KNG1: variants seen among roughly 807,000 people sequenced by gnomAD.
The protein encoded by KNG1 is kininogen 1, also known as kininogen-1.
Under a neutral mutation model 47.8 loss-of-function variants are expected in KNG1, and 23 were observed. The ratio of observed to expected loss-of-function variants is 0.48; its 90% CI spans 0.35 to 0.68. The LOEUF is 0.68. KNG1 is among the 30% of genes least tolerant of loss of function. KNG1 has a pLI of 0.01. For synonymous variants in KNG1, 277 were observed against 277.0 expected (o/e 1.00, Z 0.00); for missense variants, 762 against 790.2 (o/e 0.96, Z 0.43).
At chr3:186,740,082 C>T (rs979461213) in intron 9 of KNG1, among the ~76,000 whole-genome samples, 1 of 151,876 alleles carries the variant, frequency 6.6e-6, no homozygotes, top group Non-Finnish European at 1.5e-5. Context: ...AATTCAGACT[C>T]GCAAACCCCA....
Position 186,727,325 on chromosome 3 carries a change from G to T in KNG1, c.653G>T (p.Cys218Phe). 1 of 1,611,218 alleles carries T rather than the reference G, an allele frequency of 6.2e-7. No homozygotes were observed. Among genetic ancestry groups the T allele is most frequent in the Non-Finnish European group, 8.5e-7 (1 of 1,177,398 alleles). Residue 218 changes from cysteine to phenylalanine, a missense_variant, in exon 5 of 10, where the codon TGC (cysteine) becomes TTC (phenylalanine). Cys to Phe is a radical substitution (Grantham distance 205). Transcript: ENST00000644859. ...AATTTTCTGTTCTTAACTCCAGACTGCAAGTCCCTTTGGAATGGTGTAAGT... is the reference window on the plus strand; with the variant it reads ...AATTTTCTGTTCTTAACTCCAGACTTCAAGTCCCTTTGGAATGGTGTAAGT... Reference protein sequence around the residue: ...KENFLFLTPDCKSLWNGDTGE... With the variant: ...KENFLFLTPDFKSLWNGDTGE...
chr3:186,725,160 A>G lies in KNG1; in HGVS notation c.464A>G (p.Asp155Gly), dbSNP rs1339079602. ...CVHPISTQSP[D>G]LEPILRHGIQ... ...CATCCTATATCAACGCAGAGCCCAGACCTGGAGCCCATTCTGAGACACGGC... is the reference window on the plus strand; with the variant it reads ...CATCCTATATCAACGCAGAGCCCAGGCCTGGAGCCCATTCTGAGACACGGC... Residue 155 changes from aspartate to glycine, a missense_variant, in exon 4 of 10, where the codon GAC becomes GGC. Physicochemically the swap from Asp to Gly is moderately conservative, Grantham distance 94 (BLOSUM62 -1). Coordinates refer to ENST00000644859, the MANE Select transcript of KNG1 (RefSeq NM_001102416.3). 6.2e-7 allele frequency: 1 copy of G among 1,614,138 alleles called. No homozygotes were observed. The highest frequency in any genetic ancestry group is 1.7e-5 in the Admixed American group (1 of 60,010).
At chr3:186,720,558 G>A (rs1307262552) in intron 2 of KNG1, 1 of 340,972 alleles carries the variant, frequency 2.9e-6, no homozygotes, top group Non-Finnish European at 5.6e-6. Flanking sequence ...ATTGCACAAC[G>A]TTAAGTGCAA....
chr3:186,739,578 A>G lies in KNG1; in HGVS notation c.1125+164A>G, dbSNP rs1317679976. On this transcript the variant is annotated intron_variant, in intron 9 of 9. Transcript: ENST00000644859. ...TGCTGATCTCTGTTTAATGGCTAGA[A>G]AGAAGAGTAACAATCCTCCTGATCA... Among the ~76,000 whole-genome samples, 4 of 152,216 alleles carry G rather than the reference A, an allele frequency of 2.6e-5. No individual in the cohort carries two copies. In the East Asian group the frequency reaches 7.7e-4, roughly 29 times the overall value.
At chr3:186,720,321 A>G in intron 2 of KNG1, 106 bp downstream of exon 2, 3 of 750,406 alleles carry the variant, frequency 4.0e-6, no homozygotes. Flanking sequence ...TTTATGAGAA[A>G]TGCAAATAAA....
At chr3:186,726,288 T>TG (rs1483932586) in intron 4 of KNG1, among the ~76,000 whole-genome samples, 2 of 97,964 alleles carry the variant, frequency 2.0e-5, no homozygotes, top group African/African-American at 6.9e-5. Flanking sequence ...TTTTTTTTTT[T>TG]TTTTTTGTTT....
chr3:186,720,991 G>A (rs990590772), intron 2 of KNG1, among the ~76,000 whole-genome samples: 3 of 151,806 alleles, frequency 2.0e-5, no homozygotes, highest in Admixed American at 1.3e-4. Context: ...GGGTTTCACC[G>A]TGTTAGCCAG....
chr3:186,736,259 G>A (rs1720667853), intron 7 of KNG1: 1 of 152,122 alleles, frequency 6.6e-6, no homozygotes, highest in Non-Finnish European at 1.5e-5. Context: ...TTGGTTGCTT[G>A]GACATAGTCA....
Position 186,722,541 on chromosome 3 carries a change from GCAC to G in KNG1, c.391+21_391+23del. 1 of 1,572,788 alleles carries G rather than the reference GCAC, an allele frequency of 6.4e-7. No homozygotes were observed. The highest frequency in any genetic ancestry group is 8.7e-7 in the Non-Finnish European group (1 of 1,144,110). On this transcript the variant is annotated intron_variant, in intron 3 of 9. Transcript: ENST00000644859. ...CTCCAGGTGGCTGGTTTATCCTCTG[GCAC>G]TGCCCTGGTGGGAAATTAACCATTT...
At position 186,726,186 on chromosome 3, in the gene KNG1, G is replaced by A. The variant is rs562440210; in HGVS notation, c.564+926G>A. 7.9e-5 allele frequency among the ~76,000 whole-genome samples: 12 copies of A among 151,750 alleles called. No individual in the cohort carries two copies. The East Asian group carries it at 1.2e-3, about 15-fold the overall frequency. ...CAACCTCAAGTCATCCTCCCACCTC[G>A]GCCTCGCAAAGTGCTGGGATTACAG... On this transcript the variant is annotated intron_variant, in intron 4 of 9. Coordinates refer to ENST00000644859, the MANE Select transcript of KNG1 (RefSeq NM_001102416.3).
chr3:186,736,661 C>G (rs1720676564), intron 7 of KNG1: 2 of 152,166 alleles, frequency 1.3e-5, no homozygotes, highest in African/African-American at 2.4e-5. Flanking sequence ...CTAGGAATGT[C>G]AAATAATATG....
rs1465816904 is a variant in KNG1, at chr3:186,742,724, A to T, written c.*393A>T. On this transcript the variant is annotated 3_prime_UTR_variant, in exon 10 of 10. Transcript: ENST00000644859. The stretch of plus-strand genomic sequence containing the variant: ...CACTTGGTATTTGAATGTGTGTGAA[A>T]ATAAGGGAAGTCAAGAGATTAAATG... The T allele has an allele frequency of 9.6e-7, 1 of 1,036,484 alleles. No individual in the cohort carries two copies. The highest frequency in any genetic ancestry group is 1.2e-6 in the Non-Finnish European group (1 of 861,978). The allele number at this position is 1,036,484 out of a possible 1,614,324, so 64.2% of individuals were successfully genotyped here.
In KNG1 at chr3:186,725,280, A is replaced by G. The variant is rs757916830; in HGVS notation, c.564+20A>G. ...AGACAGGTTTGTTCTTTAATTCTCT[A>G]AGTAGCACAGTATTACTAAAATTTG... is the stretch of plus-strand genomic sequence containing the variant. On this transcript the variant is annotated intron_variant, in intron 4 of 9. Transcript: ENST00000644859. The G allele has an allele frequency of 1.1e-5, 18 of 1,607,430 alleles. No individual in the cohort carries two copies. Among genetic ancestry groups the G allele is most frequent in the Admixed American group, 3.3e-5 (2 of 59,968 alleles).
rs2108623101 is a variant in KNG1 at position 186,725,168 on chromosome 3, C to A, written c.472C>A (p.Pro158Thr). The change falls in exon 4 of 10, where the codon CCC (proline) becomes ACC (threonine). Residue 158 changes from proline to threonine, a missense_variant. By Grantham distance (38) the Pro-to-Thr change is conservative. Coordinates refer to ENST00000644859, the MANE Select transcript of KNG1 (RefSeq NM_001102416.3). ...ATCAACGCAGAGCCCAGACCTGGAG[C>A]CCATTCTGAGACACGGCATTCAGTA... ...PISTQSPDLE[P>T]ILRHGIQYFN... is the part of the protein sequence containing the mutation. 1 of 1,614,180 alleles carries A rather than the reference C, an allele frequency of 6.2e-7. No homozygotes were observed. Among genetic ancestry groups the A allele is most frequent in the Non-Finnish European group, 8.5e-7 (1 of 1,180,022 alleles).
rs1720142696 is a variant in KNG1 at position 186,720,099 on chromosome 3, T to C, written c.196-6T>C. On this transcript the variant is annotated splice_polypyrimidine_tract_variant and splice_region_variant and intron_variant, in intron 1 of 9. Transcript: ENST00000644859. The stretch of plus-strand genomic sequence containing the variant: ...TGAACCCTAAGTATCTTTGGCTGCT[T>C]TTCAGGTTGGCTCTGACACGTTTTA... 1.9e-6 allele frequency: 3 copies of C among 1,602,082 alleles called. No homozygotes were observed. Among genetic ancestry groups the C allele is most frequent in the East Asian group, 4.5e-5 (2 of 44,840 alleles).
chr3:186,720,789 T>TTTTTTC (rs1720171773), intron 2 of KNG1, among the ~76,000 whole-genome samples: 1 of 129,056 alleles, frequency 7.7e-6, no homozygotes, highest in Non-Finnish European at 1.6e-5. Context: ...TTTTGCTTTT[T>TTTTTTC]TTTTTTTTTT....
In KNG1 at chr3:186,742,301, T is replaced by C. The variant is rs769945728; in HGVS notation, c.1905T>C (p.Tyr635=). Residue 635 remains tyrosine, a synonymous_variant, in exon 10 of 10, where the codon TAT becomes TAC. Coordinates refer to ENST00000644859, the MANE Select transcript of KNG1 (RefSeq NM_001102416.3). ...CAACCACACAAATGAAAGAATCTTA[T>C]TATTTCGATCTCACTGATGGCCTTT... is the stretch of plus-strand genomic sequence containing the variant. ...INPTTQMKES[Y]YFDLTDGLS The C allele has an allele frequency of 3.1e-6, 5 of 1,614,164 alleles. No homozygotes were observed. The highest frequency in any genetic ancestry group is 3.4e-6 in the Non-Finnish European group (4 of 1,180,004).
chr3:186,729,801 T>G (rs1720464627), intron 5 of KNG1, among the ~76,000 whole-genome samples: 1 of 152,012 alleles, frequency 6.6e-6, no homozygotes, highest in Non-Finnish European at 1.5e-5. Flanking sequence ...GCTTCCCGAG[T>G]AGCTGGGATT....
intron 3 of KNG1, 135 bp downstream of exon 3, chr3:186,722,656 T>C (rs1280814560): frequency 2.1e-5 from 16 of 748,642 alleles, no homozygotes; most frequent in East Asian, 1.6e-4. Context: ...TTAGGGAGCA[T>C]TGGGTGGAGC....
Sources: gnomAD v4.1 joint callset for allele counts (sites outside exome capture counted in the v4.1 genomes callset) on GRCh38, gnomAD v4.1.1 for gene constraint, MANE v1.5 for transcripts, NCBI Gene and HGNC (gene_info 2026-07-23, HGNC 2026-07-21) for gene names.